Variants in KRT8 observed in about 807,000 individuals in gnomAD.
KRT8 encodes keratin 8, also known as keratin, type II cytoskeletal 8.
In KRT8, 24 loss-of-function variants were observed where a neutral mutation model predicts 43.0. The ratio of observed to expected loss-of-function variants is 0.56; its 90% CI spans 0.40 to 0.78. The LOEUF (loss-of-function observed/expected upper bound fraction) is 0.78, where lower values mean the gene tolerates loss of function less well. KRT8 is among the 30% of genes least tolerant of loss of function. The pLI is 0.00. For missense variants in KRT8, 492 were observed against 638.4 expected (o/e 0.77, Z 2.47); for synonymous variants, 214 against 261.2 (o/e 0.82, Z 1.74).
upstream of KRT8, among the ~76,000 whole-genome samples, chr12:52,909,473 C>T (rs1288915004): frequency 6.6e-6 from 1 of 152,226 alleles, no homozygotes; most frequent in Admixed American, 6.5e-5. Context: ...AATTCGATTG[C>T]TAATTTTGTG....
At chr12:52,938,172 T>TA (rs1565733045) in intron 2 of KRT8, among the ~76,000 whole-genome samples, 15 of 22,390 alleles carry the variant, frequency 6.7e-4, no homozygotes, top group African/African-American at 2.4e-3. Context: ...ATATATATAT[T>TA]TTTTTTTTTT....
At chr12:52,911,891 T>G (rs1411030088), upstream of KRT8, among the ~76,000 whole-genome samples, 2 of 152,058 alleles carry the variant, frequency 1.3e-5, no homozygotes, top group African/African-American at 4.8e-5. Flanking sequence ...TAGCCAAGTA[T>G]GGTGGCACAT....
At chr12:52,898,806 C>T (rs57626370) in exon 6 of KRT8, 171 of 1,614,200 alleles carry the variant, frequency 1.1e-4, no homozygotes, top group Admixed American at 5.8e-4. Context: ...CGCTGCAGGG[C>T]GGCCTCCAGC....
At chr12:52,936,575 C>CA (rs1233311804) in intron 2 of KRT8, among the ~76,000 whole-genome samples, 1 of 152,116 alleles carries the variant, frequency 6.6e-6, no homozygotes, top group Non-Finnish European at 1.5e-5. Context: ...TGCAATGGCG[C>CA]AATCTGCACT....
At chr12:52,940,289 C>CGGACGTGGTAGCTCATGCTTGTA (rs1316522228) in intron 2 of KRT8, among the ~76,000 whole-genome samples, 6 of 151,786 alleles carry the variant, frequency 4.0e-5, no homozygotes, top group African/African-American at 1.5e-4. Context: ...AAAAATTAGC[C>CGGACGTGGTAGCTCATGCTTGTA]GGACGTGGTA....
intron 2 of KRT8, among the ~76,000 whole-genome samples, chr12:52,926,855 G>A (rs934412951): frequency 1.3e-5 from 2 of 152,036 alleles, no homozygotes; most frequent in African/African-American, 4.8e-5. Context: ...CAGCGCCAAG[G>A]CATCTTCCTC....
intron 2 of KRT8, among the ~76,000 whole-genome samples, chr12:52,917,666 G>T (rs1490557512): frequency 1.4e-5 from 2 of 147,696 alleles, no homozygotes; most frequent in Non-Finnish European, 3.0e-5. Flanking sequence ...ACAAGATTGT[G>T]CCATTGCACT....
Position 52,938,532 on chromosome 12 carries a change from T to C in KRT8, c.-47+10924A>G, listed in dbSNP as rs1388685475. ...TGGCTCAGGCATGTAATCCCAGCAT[T>C]TTGGGGGGCCGAGGCAGAAGGATCA... On this transcript the variant is annotated intron_variant, in intron 2 of 6. Coordinates refer to the KRT8 transcript ENST00000546826. Among the ~76,000 whole-genome samples the C allele has an allele frequency of 2.0e-5, 3 of 151,898 alleles. No homozygotes were observed. The East Asian group carries it at 5.8e-4, about 29-fold the overall frequency.
At chr12:52,900,545 A>C (rs753755977) in intron 4 of KRT8, 43 bp downstream of exon 4, 4 of 1,319,304 alleles carry the variant, frequency 3.0e-6, no homozygotes, top group Non-Finnish European at 4.4e-6. Flanking sequence ...GGAGGCGCTG[A>C]CAAGGCTGGG....
intron 2 of KRT8, among the ~76,000 whole-genome samples, chr12:52,919,369 C>T (rs1941840329): frequency 6.6e-6 from 1 of 152,124 alleles, no homozygotes; most frequent in Non-Finnish European, 1.5e-5. Flanking sequence ...CGGGTTCAAG[C>T]AATTCTCCTG....
chr12:52,937,720 G>T (rs1017101768), intron 2 of KRT8, among the ~76,000 whole-genome samples: 16 of 150,148 alleles, frequency 1.1e-4, no homozygotes, highest in African/African-American at 3.7e-4. Flanking sequence ...AAAACAGGCC[G>T]GGCATGGTGG....
intron 2 of KRT8, among the ~76,000 whole-genome samples, chr12:52,934,786 T>C (rs1267408150): frequency 4.0e-5 from 6 of 149,874 alleles, no homozygotes; most frequent in Non-Finnish European, 5.9e-5. Flanking sequence ...CTGATCAACA[T>C]GGAGAAAACC....
intron 2 of KRT8, among the ~76,000 whole-genome samples, chr12:52,932,271 T>C (rs1467083311): frequency 1.3e-5 from 2 of 151,886 alleles, no homozygotes; most frequent in South Asian, 4.2e-4. Context: ...GTATTTTTAG[T>C]AGAGACAGGG....
upstream of KRT8, chr12:52,905,192 A>T (rs964328342): frequency 1.1e-5 from 10 of 876,512 alleles, no homozygotes. Context: ...TCCGGGCAGG[A>T]CTCAGGTGGG....
intron 2 of KRT8, among the ~76,000 whole-genome samples, chr12:52,929,048 A>G (rs1592181316): frequency 6.6e-6 from 1 of 151,910 alleles, no homozygotes; most frequent in Admixed American, 6.6e-5. Context: ...TACATCCCCA[A>G]CCCTAGCCAC....
chr12:52,900,917 G>T (rs1941353197), intron 3 of KRT8: 2 of 632,606 alleles, frequency 3.2e-6, no homozygotes, highest in Admixed American at 4.9e-5. Context: ...GCCTTCTAGA[G>T]CCAGATCTCC....
At chr12:52,945,250 C>T (rs12423065) in intron 2 of KRT8, among the ~76,000 whole-genome samples, 74,486 of 151,952 alleles carry the variant, frequency 0.49, 19,499 homozygotes, top group African/African-American at 0.66. Flanking sequence ...GTATACCCTC[C>T]ACTGAGAGTA....
intron 7 of KRT8, among the ~76,000 whole-genome samples, 159 bp downstream of exon 7, chr12:52,898,302 G>C (rs901592534): frequency 1.3e-5 from 2 of 152,150 alleles, no homozygotes; most frequent in African/African-American, 4.8e-5. Flanking sequence ...AGTTATTACT[G>C]GGGTCCTGAA....
Position 52,900,572 on chromosome 12 carries a change from G to A in KRT8, c.690+16C>T. The A allele has an allele frequency of 6.4e-7, 1 of 1,570,218 alleles. No homozygotes were observed. Among genetic ancestry groups the A allele is most frequent in the Non-Finnish European group, 8.8e-7 (1 of 1,141,946 alleles). On this transcript the variant is annotated intron_variant, in intron 4 of 7. Transcript: ENST00000692008. ...AAGGCTGGGGGACCCTCACTCTCCT[G>A]CGACCAGGAACATACCTCTTCATAT...
Sources: gnomAD v4.1 joint callset for allele counts (sites outside exome capture counted in the v4.1 genomes callset) on GRCh38, gnomAD v4.1.1 for gene constraint, MANE v1.5 for transcripts, NCBI Gene and HGNC (gene_info 2026-07-23, HGNC 2026-07-21) for gene names.